Variants in HERC1 observed in about 807,000 individuals in gnomAD.
HERC1 encodes the protein probable E3 ubiquitin-protein ligase HERC1.
In HERC1, 160 loss-of-function variants were observed where a neutral mutation model predicts 554.3. The ratio of observed to expected loss-of-function variants is 0.29; its 90% CI spans 0.25 to 0.33. HERC1 has a LOEUF of 0.33. HERC1 is among the 10% of genes least tolerant of loss of function. The pLI, the probability that HERC1 is intolerant of heterozygous loss-of-function variation, is 1.00. For synonymous variants in HERC1, 2,175 were observed against 2,131.7 expected, an observed-to-expected ratio of 1.02 and a Z score of -0.56; for missense variants, 4,919 against 5,918.5, an observed-to-expected ratio of 0.83 and a Z score of 5.54.
chr15:63,756,601 T>A lies in HERC1; in HGVS notation c.1369A>T (p.Ile457Phe). 1 of 1,613,974 alleles carries A rather than the reference T, an allele frequency of 6.2e-7. No individual in the cohort carries two copies. Residue 457 changes from isoleucine (I) to phenylalanine (F), a missense_variant, in exon 5 of 78, where the codon ATT becomes TTT. Physicochemically the swap from Ile to Phe is conservative, Grantham distance 21. Coordinates refer to ENST00000443617, the MANE Select transcript of HERC1 (RefSeq NM_003922.4). The surrounding 1 kb of genome is among the most constrained non-coding windows in gnomAD (Gnocchi z 5.0). ...CCTTTAGAAGATGAAACCTTTTTAA[T>A]GGATCTGTGAGGCTCGAATGTTAAC... ...KKLTFEPHRS[I>F]KKVSSSKGSD...
chr15:63,832,471 A>G (rs1189415436), intron 1 of HERC1, among the ~76,000 whole-genome samples: 2 of 152,210 alleles, frequency 1.3e-5, no homozygotes, highest in Non-Finnish European at 2.9e-5. Context: ...TCCAGTAGAA[A>G]TCAATTTCAT....
chr15:63,655,765 T>C lies in HERC1; in HGVS notation c.10061A>G (p.Asp3354Gly). 2.6e-6 allele frequency: 4 copies of C among 1,562,360 alleles called. No individual in the cohort carries two copies. Among genetic ancestry groups the C allele is most frequent in the Non-Finnish European group, 3.5e-6 (4 of 1,151,530 alleles). ...ACCTTTCTTTTCAACTTCTGACTTA[T>C]CATAGTTAGGTCTTAGTTTGGCCCC... is the stretch of plus-strand genomic sequence containing the variant. ...DKGAKLRPNY[D>G]KSEVEKKGPL... The change falls in exon 50 of 78, where the codon GAT (aspartate) becomes GGT (glycine). Residue 3354 changes from aspartate (D) to glycine (G), a missense_variant. Asp to Gly is a moderately conservative substitution (Grantham distance 94). Transcript: ENST00000443617.
chr15:63,723,384 T>G (rs2073901928), intron 18 of HERC1, 29 bp from the exon 19 acceptor site: 1 of 1,441,518 alleles, frequency 6.9e-7, no homozygotes, highest in Non-Finnish European at 9.3e-7. Flanking sequence ...TTACCAATTT[T>G]AACATCATAA....
intron 1 of HERC1, among the ~76,000 whole-genome samples, chr15:63,817,433 G>T (rs2077529426): frequency 6.6e-6 from 1 of 152,146 alleles, no homozygotes; most frequent in Non-Finnish European, 1.5e-5. Flanking sequence ...ACAATCCAGA[G>T]GCCGGGTGTG....
intron 22 of HERC1, chr15:63,713,904 A>G (rs1389209245): frequency 1.4e-5 from 6 of 429,774 alleles, no homozygotes; most frequent in Non-Finnish European, 2.5e-5. Flanking sequence ...ACAGAATTTT[A>G]ATGTAATCAC....
chr15:63,782,502 A>G (rs1299406797), intron 1 of HERC1, among the ~76,000 whole-genome samples: 1 of 152,198 alleles, frequency 6.6e-6, no homozygotes, highest in African/African-American at 2.4e-5. Flanking sequence ...CTTTCAAAAC[A>G]TTACTGTTCA....
intron 55 of HERC1, among the ~76,000 whole-genome samples, chr15:63,646,559 T>C (rs1312491406): frequency 6.7e-6 from 1 of 149,652 alleles, no homozygotes; most frequent in East Asian, 1.9e-4. Context: ...CCAAACACTT[T>C]GGGAGGCCGA....
chr15:63,830,305 C>T (rs1315452694), intron 1 of HERC1, among the ~76,000 whole-genome samples: 6 of 152,204 alleles, frequency 3.9e-5, no homozygotes, highest in Admixed American at 3.3e-4. Flanking sequence ...GACACAACAT[C>T]GCTTCTGTAG....
intron 6 of HERC1, 117 bp from the exon 7 acceptor site, chr15:63,754,765 G>T: frequency 2.0e-6 from 2 of 990,620 alleles, no homozygotes; most frequent in Non-Finnish European, 3.0e-6. Context: ...TTTTTTTAAT[G>T]CAATGCAATA....
chr15:63,726,180 C>T (rs1009601051), intron 17 of HERC1, among the ~76,000 whole-genome samples: 5 of 152,120 alleles, frequency 3.3e-5, no homozygotes, highest in African/African-American at 1.2e-4. Context: ...TGGGGTTTCA[C>T]CATGTTGGCC....
At chr15:63,631,419 C>T (rs2068551000) in intron 68 of HERC1, among the ~76,000 whole-genome samples, 1 of 152,228 alleles carries the variant, frequency 6.6e-6, no homozygotes, top group African/African-American at 2.4e-5. Flanking sequence ...ATGGGAACAT[C>T]ATGCAACCTT....
chr15:63,612,314 T>C lies in HERC1; in HGVS notation c.14337A>G (p.Arg4779=). Residue 4779 remains arginine (R), a synonymous_variant, in exon 77 of 78, where the codon AGA becomes AGG. Transcript: ENST00000443617. The surrounding 1 kb of genome is among the most constrained non-coding windows in gnomAD (Gnocchi z 5.0). The part of the protein sequence containing the change: ...RVLFMRFVSG[R]SRLPANTADI... ...CAGCAGTGTTGGCTGGTAGTCGAGA[T>C]CTTCCTGACACAAACCTCATGAAAA... 2 of 1,613,862 alleles carry C rather than the reference T, an allele frequency of 1.2e-6. No homozygotes were observed. Among genetic ancestry groups the C allele is most frequent in the East Asian group, 2.2e-5 (1 of 44,872 alleles).
chr15:63,784,048 C>T (rs2076366020), intron 1 of HERC1, among the ~76,000 whole-genome samples: 1 of 142,690 alleles, frequency 7.0e-6, no homozygotes. Context: ...CCTGGTGACA[C>T]AGGAAGACTC....
At position 63,651,235 on chromosome 15, in the gene HERC1, T is replaced by C. The variant is rs2069660892; in HGVS notation, c.10546+18A>G. 1.9e-6 allele frequency: 3 copies of C among 1,612,516 alleles called. No homozygotes were observed. Among genetic ancestry groups the C allele is most frequent in the Admixed American group, 3.3e-5 (2 of 59,832 alleles). On this transcript the variant is annotated intron_variant, in intron 53 of 77. Transcript: ENST00000443617. Reference sequence around the variant, plus strand: ...AAAACTACTTTCAGCAGTTTACTAGTGTTTACATGACTCTTACCATTAACT... The same window carrying C: ...AAAACTACTTTCAGCAGTTTACTAGCGTTTACATGACTCTTACCATTAACT...
At chr15:63,804,704 C>T (rs2077088433) in intron 1 of HERC1, among the ~76,000 whole-genome samples, 1 of 151,874 alleles carries the variant, frequency 6.6e-6, no homozygotes, top group Non-Finnish European at 1.5e-5. Flanking sequence ...AAAACATATC[C>T]AATGAGACGT....
At chr15:63,661,399 GT>G (rs1232301905) in intron 45 of HERC1, among the ~76,000 whole-genome samples, 2 of 152,100 alleles carry the variant, frequency 1.3e-5, no homozygotes, top group Non-Finnish European at 2.9e-5. Flanking sequence ...TCAAAAGTCT[GT>G]TTTTTTCATC....
intron 1 of HERC1, among the ~76,000 whole-genome samples, chr15:63,823,978 T>C (rs1181283615): frequency 6.6e-6 from 1 of 152,170 alleles, no homozygotes; most frequent in African/African-American, 2.4e-5. Flanking sequence ...ATAACCTGAT[T>C]TTAAGACGGG....
Position 63,660,830 on chromosome 15 carries a change from T to G in HERC1, c.9223+143A>C, listed in dbSNP as rs889494165. The G allele has an allele frequency of 1.5e-5, 8 of 547,654 alleles. No homozygotes were observed. The African/African-American group carries it at 1.5e-4, about 11-fold the overall frequency. 33.9% of individuals were successfully genotyped at this position (547,654 alleles called of 1,614,324 possible). A position where few individuals can be genotyped will look rare whatever the true frequency, so the allele number is the denominator to read the frequency against. On this transcript the variant is annotated intron_variant, in intron 46 of 77. Transcript: ENST00000443617. ...CAGCGTTGTTGCTATTAAATTCCCT[T>G]GAGTTTTTAAGGGAAAATTTAAGTT...
chr15:63,695,933 T>C (rs1595997043), intron 27 of HERC1, among the ~76,000 whole-genome samples, 191 bp downstream of exon 27: 1 of 152,110 alleles, frequency 6.6e-6, no homozygotes. Context: ...TAATCTACAA[T>C]AGTACAATAA....
Sources: gnomAD v4.1 joint callset for allele counts (sites outside exome capture counted in the v4.1 genomes callset) on GRCh38, gnomAD v4.1.1 for gene constraint, Gnocchi (gnomAD v3.1) non-coding constraint, MANE v1.5 for transcripts, NCBI Gene and HGNC (gene_info 2026-07-23, HGNC 2026-07-21) for gene names.